Variants in GRIK1 observed in about 807,000 individuals in gnomAD.
GRIK1 encodes glutamate receptor ionotropic, kainate 1.
Under a neutral mutation model 105.7 loss-of-function variants are expected in GRIK1, and 69 were observed. That is an observed-to-expected ratio of 0.65 (90% CI 0.54 to 0.80). The LOEUF (loss-of-function observed/expected upper bound fraction) is 0.80. Ranked by LOEUF, GRIK1 falls within the 30% of genes least tolerant of loss-of-function variation. GRIK1 has a pLI of 0.00. For missense variants in GRIK1, 1,109 were observed against 1,167.3 expected (o/e 0.95, Z 0.73); for synonymous variants, 438 against 431.3 (o/e 1.02, Z -0.19).
chr21:29,912,366 C>T (rs1430371806), intron 1 of GRIK1, among the ~76,000 whole-genome samples: 1 of 152,060 alleles, frequency 6.6e-6, no homozygotes, highest in Non-Finnish European at 1.5e-5. Flanking sequence ...ATAACCTCTC[C>T]TCTGACAAGA....
At chr21:29,705,851 A>G (rs1165188235) in intron 1 of GRIK1, among the ~76,000 whole-genome samples, 2 of 147,720 alleles carry the variant, frequency 1.4e-5, no homozygotes, top group Non-Finnish European at 3.0e-5. Context: ...CATTTGCTAT[A>G]TTTTTTTCTT....
At chr21:29,806,608 A>G (rs1442979595) in intron 1 of GRIK1, among the ~76,000 whole-genome samples, 1 of 152,122 alleles carries the variant, frequency 6.6e-6, no homozygotes, top group African/African-American at 2.4e-5. Context: ...ATCACTAGGT[A>G]GGGGCCTTTT....
At position 29,636,776 on chromosome 21, in the gene GRIK1, T is replaced by C. The variant is rs150314693; in HGVS notation, c.1098+6050A>G. Among the ~76,000 whole-genome samples the C allele has an allele frequency of 2.0e-5, 3 of 152,340 alleles. No homozygotes were observed. In the East Asian group the frequency reaches 5.8e-4, roughly 29 times the overall value. On this transcript the variant is annotated intron_variant, in intron 7 of 17. Coordinates refer to ENST00000327783, the MANE Select transcript of GRIK1 (RefSeq NM_001330994.2). Reference sequence around the variant, plus strand: ...TACCTGCTTCAATCATACCTATACATAGCTACCAAGATAAACTATCTGAAA... The same window carrying C: ...TACCTGCTTCAATCATACCTATACACAGCTACCAAGATAAACTATCTGAAA...
chr21:29,578,354 T>C (rs140761651), intron 13 of GRIK1, among the ~76,000 whole-genome samples: 223 of 152,314 alleles, frequency 1.5e-3, no homozygotes, highest in African/African-American at 5.2e-3. Flanking sequence ...GTTGAAGCTC[T>C]GTCGTTAATA....
chr21:29,747,039 G>T (rs1345120950), intron 1 of GRIK1, among the ~76,000 whole-genome samples: 2 of 152,122 alleles, frequency 1.3e-5, no homozygotes, highest in Non-Finnish European at 2.9e-5. Flanking sequence ...ATACCATAAG[G>T]TGTCTCCCAA....
At chr21:29,798,768 C>T (rs931957956) in intron 1 of GRIK1, among the ~76,000 whole-genome samples, 3 of 152,196 alleles carry the variant, frequency 2.0e-5, no homozygotes, top group Non-Finnish European at 4.4e-5. Context: ...GCAGTATTAA[C>T]GTGCTGACAA....
intron 14 of GRIK1, among the ~76,000 whole-genome samples, chr21:29,569,187 T>C (rs1385537941): frequency 6.6e-6 from 1 of 152,136 alleles, no homozygotes; most frequent in Non-Finnish European, 1.5e-5. Flanking sequence ...CAAACCAAAA[T>C]ATTTATAAAT....
At chr21:29,672,920 C>T (rs1009963443) in intron 4 of GRIK1, 63 bp downstream of exon 4, 1 of 1,217,820 alleles carries the variant, frequency 8.2e-7, no homozygotes, top group Non-Finnish European at 1.2e-6. Context: ...AACTAGATGG[C>T]ATTTTTGAAA....
chr21:29,638,264 T>G (rs918169459), intron 7 of GRIK1, among the ~76,000 whole-genome samples: 18 of 152,016 alleles, frequency 1.2e-4, no homozygotes, highest in Admixed American at 1.1e-3. Context: ...TAGGTATGTC[T>G]TACATGGCAG....
chr21:29,802,180 C>A (rs1214986562), intron 1 of GRIK1, among the ~76,000 whole-genome samples: 1 of 152,146 alleles, frequency 6.6e-6, no homozygotes, highest in Non-Finnish European at 1.5e-5. Flanking sequence ...TCTCTGAATT[C>A]AAAAATTGTG....
intron 4 of GRIK1, among the ~76,000 whole-genome samples, chr21:29,656,327 C>T (rs1487997734): frequency 7.7e-6 from 1 of 129,254 alleles, no homozygotes; most frequent in South Asian, 2.4e-4. Context: ...CGCCACTGCA[C>T]TCCAGCCTGG....
At chr21:29,607,422 A>G (rs2146355480) in intron 7 of GRIK1, among the ~76,000 whole-genome samples, 1 of 151,688 alleles carries the variant, frequency 6.6e-6, no homozygotes, top group East Asian at 1.9e-4. Flanking sequence ...AAGCCTTTTC[A>G]CCTCATTGTG....
intron 7 of GRIK1, among the ~76,000 whole-genome samples, chr21:29,638,551 A>G (rs1601341378): frequency 6.6e-6 from 1 of 152,212 alleles, no homozygotes; most frequent in East Asian, 1.9e-4. Flanking sequence ...ACAGAAACAA[A>G]AGGCTACTTT....
chr21:29,892,945 G>A (rs1335359166), intron 1 of GRIK1, among the ~76,000 whole-genome samples: 2 of 152,142 alleles, frequency 1.3e-5, no homozygotes, highest in East Asian at 1.9e-4. Flanking sequence ...AGGCTTAGGC[G>A]GGTGGATCAC....
At chr21:29,636,489 A>C (rs370169983) in intron 7 of GRIK1, among the ~76,000 whole-genome samples, 3 of 152,348 alleles carry the variant, frequency 2.0e-5, no homozygotes, top group African/African-American at 7.2e-5. Context: ...TTTTAACAAT[A>C]ATAGATTTAA....
At chr21:29,657,119 G>A (rs1247456524) in intron 4 of GRIK1, among the ~76,000 whole-genome samples, 3 of 152,086 alleles carry the variant, frequency 2.0e-5, no homozygotes, top group African/African-American at 7.2e-5. Context: ...TTTTCACTTT[G>A]GTCATTAGAT....
chr21:29,793,813 T>A (rs1455087546), intron 1 of GRIK1, among the ~76,000 whole-genome samples: 3 of 152,212 alleles, frequency 2.0e-5, no homozygotes, highest in Admixed American at 1.3e-4. Context: ...AGATTTGCTT[T>A]AAAAATGTAT....
intron 1 of GRIK1, among the ~76,000 whole-genome samples, chr21:29,844,405 A>C (rs1202877851): frequency 2.6e-5 from 4 of 152,184 alleles, no homozygotes; most frequent in Admixed American, 2.6e-4. Context: ...TCAAGCCCCA[A>C]GTTTTGACTG....
chr21:29,586,631 T>G lies in GRIK1; in HGVS notation c.1793+735A>C, dbSNP rs58018362. ...TAAGCCAACAGAAAGATAAAATAAC[T>G]GTTTCAAATTTAGCATCAAAAGTAT... On this transcript the variant is annotated intron_variant, in intron 12 of 17. Transcript: ENST00000327783. 2.2e-3 allele frequency among the ~76,000 whole-genome samples: 333 copies of G among 152,346 alleles called. 2 individuals are homozygous for G. The highest frequency in any genetic ancestry group is 7.6e-3 in the African/African-American group (318 of 41,582).
Sources: allele counts gnomAD v4.1 joint callset (sites outside exome capture counted in the v4.1 genomes callset), GRCh38; gene constraint gnomAD v4.1.1; transcripts MANE v1.5; gene names NCBI Gene and HGNC (gene_info 2026-07-23, HGNC 2026-07-21).